Variants in FAF1 observed in about 807,000 individuals in gnomAD.
The protein encoded by FAF1 is FAS-associated factor 1.
FAF1 carries 25 observed loss-of-function variants against 92.5 expected under a neutral mutation model. That is an observed-to-expected ratio of 0.27 (90% CI 0.20 to 0.38). FAF1 has a LOEUF of 0.38. Ranked by LOEUF, FAF1 falls within the 10% of genes least tolerant of loss-of-function variation. FAF1 has a pLI of 1.00. For synonymous variants in FAF1, 234 were observed against 273.2 expected (o/e 0.86, Z 1.42); for missense variants, 636 against 793.3 (o/e 0.80, Z 2.38).
chr1:50,716,833 C>A (rs890190096), intron 6 of FAF1, among the ~76,000 whole-genome samples: 1 of 152,216 alleles, frequency 6.6e-6, no homozygotes, highest in African/African-American at 2.4e-5. Context: ...AAAAGCTGGC[C>A]ACCCCAGCCA....
At chr1:50,904,445 G>A (rs12118519) in intron 1 of FAF1, among the ~76,000 whole-genome samples, 13,090 of 152,158 alleles carry the variant, frequency 0.086, 728 homozygotes, top group South Asian at 0.19. Flanking sequence ...GGTGGTAATG[G>A]ACACAAAGCA....
At chr1:50,914,481 C>G (rs981337357) in intron 1 of FAF1, among the ~76,000 whole-genome samples, 1 of 152,148 alleles carries the variant, frequency 6.6e-6, no homozygotes, top group Non-Finnish European at 1.5e-5. Context: ...AAACAAAAAC[C>G]CTGATTTACT....
chr1:50,577,213 G>C (rs1398940993), intron 12 of FAF1, among the ~76,000 whole-genome samples: 1 of 152,206 alleles, frequency 6.6e-6, no homozygotes, highest in East Asian at 1.9e-4. Context: ...ATTCAGGTCA[G>C]AGGTACGTCC....
chr1:50,623,143 C>T (rs994473977), intron 8 of FAF1, among the ~76,000 whole-genome samples: 8 of 152,110 alleles, frequency 5.3e-5, no homozygotes, highest in Non-Finnish European at 1.2e-4. Flanking sequence ...ATAAGTGCAT[C>T]GAGTTCAAAT....
chr1:50,464,257 C>T (rs996352779), intron 18 of FAF1, among the ~76,000 whole-genome samples: 3 of 152,156 alleles, frequency 2.0e-5, no homozygotes, highest in Non-Finnish European at 4.4e-5. Flanking sequence ...TCCTCCTGCC[C>T]TGGCCTCTCA....
chr1:50,591,489 T>C (rs995099577), intron 9 of FAF1, among the ~76,000 whole-genome samples: 3 of 152,100 alleles, frequency 2.0e-5, no homozygotes, highest in Non-Finnish European at 2.9e-5. Context: ...CTGGCCAACA[T>C]GGCGAAACCT....
intron 1 of FAF1, among the ~76,000 whole-genome samples, chr1:50,937,077 T>A (rs1645090870): frequency 1.3e-5 from 2 of 151,972 alleles, no homozygotes; most frequent in South Asian, 4.2e-4. Context: ...CTGGAGAAAT[T>A]CAAATGATTG....
At chr1:50,684,651 T>C (rs148341041) in intron 7 of FAF1, among the ~76,000 whole-genome samples, 38 of 152,246 alleles carry the variant, frequency 2.5e-4, no homozygotes, top group African/African-American at 8.7e-4. Context: ...TACCAACACT[T>C]TGTCAGATTC....
chr1:50,845,301 G>A (rs1644288886), intron 2 of FAF1, among the ~76,000 whole-genome samples: 1 of 152,144 alleles, frequency 6.6e-6, no homozygotes, highest in Non-Finnish European at 1.5e-5. Context: ...CTCAGCCATG[G>A]GTCCAGAACA....
chr1:50,476,941 A>G lies in FAF1; in HGVS notation c.1654-1262T>C, dbSNP rs577677783. ...CTTACACAAATAAAAAGAAACAAAAATGGTAACCTACAGAGGGTAGGGGAA... is the reference window on the plus strand; with the variant it reads ...CTTACACAAATAAAAAGAAACAAAAGTGGTAACCTACAGAGGGTAGGGGAA... On this transcript the variant is annotated intron_variant, in intron 17 of 18. Transcript: ENST00000396153. 4.6e-5 allele frequency among the ~76,000 whole-genome samples: 7 copies of G among 152,286 alleles called. No individual in the cohort carries two copies. In the South Asian group the frequency reaches 1.5e-3, roughly 32 times the overall value.
chr1:50,571,314 G>A (rs1650428076), intron 12 of FAF1, among the ~76,000 whole-genome samples: 2 of 152,200 alleles, frequency 1.3e-5, no homozygotes. Context: ...TAGTAACACA[G>A]TGCAAAAGGA....
intron 7 of FAF1, among the ~76,000 whole-genome samples, chr1:50,663,384 A>C (rs1236169098): frequency 6.6e-6 from 1 of 150,882 alleles, no homozygotes; most frequent in Non-Finnish European, 1.5e-5. Context: ...AAATTTTAAG[A>C]AGCATTGCTT....
At chr1:50,599,723 G>A (rs1163013374) in intron 8 of FAF1, among the ~76,000 whole-genome samples, 1 of 152,192 alleles carries the variant, frequency 6.6e-6, no homozygotes, top group East Asian at 1.9e-4. Flanking sequence ...AAAAGCATGT[G>A]TGTTTCAGTT....
intron 15 of FAF1, among the ~76,000 whole-genome samples, chr1:50,534,779 T>C (rs1247860184): frequency 1.3e-5 from 2 of 152,208 alleles, no homozygotes; most frequent in Non-Finnish European, 2.9e-5. Flanking sequence ...TAGGTAAGTA[T>C]TGAACACTAT....
intron 7 of FAF1, among the ~76,000 whole-genome samples, chr1:50,678,776 CAAAAAAA>C (rs58946586): frequency 2.9e-3 from 41 of 13,934 alleles, no homozygotes; most frequent in African/African-American, 4.6e-3. Flanking sequence ...GACTCCATCT[CAAAAAAA>C]AAAAAAAAAA....
chr1:50,464,919 G>A (rs1208073518), intron 18 of FAF1, among the ~76,000 whole-genome samples: 3 of 152,196 alleles, frequency 2.0e-5, no homozygotes, highest in Non-Finnish European at 2.9e-5. Context: ...GAATCTATGG[G>A]CCATTTACCA....
At chr1:50,912,736 G>A (rs1644894587) in intron 1 of FAF1, among the ~76,000 whole-genome samples, 1 of 152,134 alleles carries the variant, frequency 6.6e-6, no homozygotes, top group Non-Finnish European at 1.5e-5. Flanking sequence ...CAGTGCCACA[G>A]TGTAGGTGCA....
chr1:50,576,086 A>G (rs1650719911), intron 12 of FAF1, among the ~76,000 whole-genome samples: 2 of 152,228 alleles, frequency 1.3e-5, no homozygotes, highest in Non-Finnish European at 2.9e-5. Flanking sequence ...CTAGTTCATA[A>G]TTGAATGAGA....
intron 7 of FAF1, among the ~76,000 whole-genome samples, chr1:50,688,553 C>A (rs570266257): frequency 6.6e-6 from 1 of 152,332 alleles, no homozygotes; most frequent in East Asian, 1.9e-4. Flanking sequence ...TGGCTCACGC[C>A]TGTAATCATA....
Sources: gnomAD v4.1 joint callset for allele counts (sites outside exome capture counted in the v4.1 genomes callset) on GRCh38, gnomAD v4.1.1 for gene constraint, MANE v1.5 for transcripts, NCBI Gene and HGNC (gene_info 2026-07-23, HGNC 2026-07-21) for gene names.